The following ATP6V1C2 variants were observed in gnomAD, a reference collection of about 807,000 sequenced individuals.
ATP6V1C2 encodes ATPase H+ transporting V1 subunit C2.
ATP6V1C2 carries 45 observed loss-of-function variants against 56.8 expected under a neutral mutation model. The observed-to-expected ratio is 0.79, with a 90% confidence interval of 0.62 to 1.02. ATP6V1C2 has a LOEUF of 1.02. ATP6V1C2 is among the 50% of genes least tolerant of loss of function. ATP6V1C2 has a pLI of 0.00. For synonymous variants in ATP6V1C2, 220 were observed against 201.3 expected (o/e 1.09, Z -0.79); for missense variants, 463 against 519.7 (o/e 0.89, Z 1.06).
At chr2:10,779,926 G>C (rs564728414) in intron 12 of ATP6V1C2, among the ~76,000 whole-genome samples, 5 of 152,234 alleles carry the variant, frequency 3.3e-5, no homozygotes, top group Middle Eastern at 3.4e-3. Context: ...TTTCTGCCCT[G>C]TGTGGCTGCG....
chr2:10,765,828 C>G (rs1484271104), intron 5 of ATP6V1C2, among the ~76,000 whole-genome samples: 1 of 152,184 alleles, frequency 6.6e-6, no homozygotes, highest in Non-Finnish European at 1.5e-5. Flanking sequence ...ATGCCAGACT[C>G]AGTGGGAAGG....
At chr2:10,753,249 T>G (rs534517732) in intron 3 of ATP6V1C2, among the ~76,000 whole-genome samples, 100 of 152,342 alleles carry the variant, frequency 6.6e-4, no homozygotes, top group African/African-American at 2.3e-3. Context: ...TGTAGGAGTT[T>G]GTATCTTGGT....
chr2:10,772,459 A>G (rs1664681117), intron 7 of ATP6V1C2, 83 bp from the exon 8 acceptor site: 1 of 1,158,860 alleles, frequency 8.6e-7, no homozygotes, highest in Non-Finnish European at 1.3e-6. Flanking sequence ...CTTCAGGAAA[A>G]GGGGTGTGCA....
chr2:10,733,812 A>AAGTGCTTCCCCTGTTGTTGCTTGCCCCTG (rs1662101068), intron 3 of ATP6V1C2, among the ~76,000 whole-genome samples: 3 of 147,100 alleles, frequency 2.0e-5, no homozygotes, highest in East Asian at 2.1e-4. Flanking sequence ...GCTTGCCCCT[A>AAGTGCTTCCCCTGTTGTTGCTTGCCCCTG]AGTGCTTCCC....
rs1664062089 is a variant in ATP6V1C2 at position 10,763,776 on chromosome 2, G to T, written c.284-555G>T. Among the ~76,000 whole-genome samples, 1 of 152,180 alleles carries T rather than the reference G, an allele frequency of 6.6e-6. No homozygotes were observed. The highest frequency in any genetic ancestry group is 2.4e-5 in the African/African-American group (1 of 41,430). Reference sequence around the variant, plus strand: ...AAGGTGCCACTCCGCTGTGTCTCAGGTAGGGAAATTGATTCCCTCCTAGCC... The same window carrying T: ...AAGGTGCCACTCCGCTGTGTCTCAGTTAGGGAAATTGATTCCCTCCTAGCC... On this transcript the variant is annotated intron_variant, in intron 4 of 13. Coordinates refer to ENST00000272238, the MANE Select transcript of ATP6V1C2 (RefSeq NM_001039362.2). This position sits in a 1 kb window ranked among gnomAD's most constrained non-coding sequence, Gnocchi z 4.2.
rs898584598 is a variant in ATP6V1C2 at position 10,757,264 on chromosome 2, C to T, written c.283+3198C>T. ...CTGACCTCAGGTGATCCGCCAGCCT[C>T]GGCCTCCCAAAGTGCTAGGATTACA... On this transcript the variant is annotated intron_variant, in intron 4 of 13. Coordinates refer to ENST00000272238, the MANE Select transcript of ATP6V1C2 (RefSeq NM_001039362.2). Among the ~76,000 whole-genome samples, 3 of 152,088 alleles carry T rather than the reference C, an allele frequency of 2.0e-5. No homozygotes were observed. In the East Asian group the frequency reaches 5.8e-4, roughly 29 times the overall value.
intron 10 of ATP6V1C2, among the ~76,000 whole-genome samples, chr2:10,776,080 G>A (rs1664949583): frequency 6.6e-6 from 1 of 151,552 alleles, no homozygotes; most frequent in Non-Finnish European, 1.5e-5. Context: ...CTTTTTGCAG[G>A]GACTGGGGAT....
At chr2:10,770,004 G>T (rs1173803451) in intron 6 of ATP6V1C2, 1 of 152,178 alleles carries the variant, frequency 6.6e-6, no homozygotes, top group Non-Finnish European at 1.5e-5. Context: ...TACCTGGGAG[G>T]TACCCCCACT....
chr2:10,754,017 C>T lies in ATP6V1C2; in HGVS notation c.234C>T (p.Val78=). Residue 78 remains valine, a synonymous_variant, in exon 4 of 14, where the codon GTC becomes GTT. Transcript: ENST00000272238. ...GAATGGCTCAGAGCGTGGTGGAAGT[C>T]ATGGAGGACTCAAAGGGGAAGGTCC... ...IRRMAQSVVE[V]MEDSKGKVQE... The T allele has an allele frequency of 1.2e-6, 2 of 1,608,542 alleles. No homozygotes were observed. The highest frequency in any genetic ancestry group is 1.7e-6 in the Non-Finnish European group (2 of 1,176,966).
intron 3 of ATP6V1C2, among the ~76,000 whole-genome samples, chr2:10,739,965 G>T (rs1209678911): frequency 2.4e-5 from 1 of 42,106 alleles, no homozygotes; most frequent in African/African-American, 9.1e-5. Flanking sequence ...CGCTGGGCTT[G>T]GTGGTGGGCA....
At chr2:10,764,189 C>A in intron 4 of ATP6V1C2, 142 bp from the exon 5 acceptor site, 1 of 675,768 alleles carries the variant, frequency 1.5e-6, no homozygotes, top group East Asian at 2.8e-5. Flanking sequence ...GTTTGCTTTT[C>A]CAGAGCCCTG....
intron 6 of ATP6V1C2, among the ~76,000 whole-genome samples, chr2:10,771,462 ACACTTGAGTAACTTTAGCTGCCTGC>A (rs1476454801): frequency 1.3e-5 from 2 of 152,148 alleles, no homozygotes; most frequent in East Asian, 3.9e-4. Context: ...CGTTGTGTTG[ACACTTGAGTAACTTTAGCTGCCTGC>A]CACCCGAGGC....
At chr2:10,754,140 CCA>C in intron 4 of ATP6V1C2, 74 bp downstream of exon 4, 1 of 1,283,328 alleles carries the variant, frequency 7.8e-7, no homozygotes, top group Non-Finnish European at 1.1e-6. Context: ...CTTGCTGTGG[CCA>C]CACAGCAATC....
At chr2:10,754,386 T>C (rs992368568) in intron 4 of ATP6V1C2, among the ~76,000 whole-genome samples, 3 of 151,344 alleles carry the variant, frequency 2.0e-5, no homozygotes, top group East Asian at 2.0e-4. Flanking sequence ...CCGCCACGCC[T>C]GGCTAATTTT....
At chr2:10,764,034 G>A (rs1409851035) in intron 4 of ATP6V1C2, among the ~76,000 whole-genome samples, 1 of 152,200 alleles carries the variant, frequency 6.6e-6, no homozygotes, top group Non-Finnish European at 1.5e-5. Context: ...CCTCCCTGCC[G>A]TTTAATATAA....
intron 3 of ATP6V1C2, among the ~76,000 whole-genome samples, chr2:10,730,913 A>G (rs950044479): frequency 2.6e-5 from 4 of 151,866 alleles, no homozygotes; most frequent in Non-Finnish European, 4.4e-5. Flanking sequence ...TTGGCCTCCC[A>G]AAGTGCTGGG....
At chr2:10,731,140 G>T (rs763285484) in intron 3 of ATP6V1C2, among the ~76,000 whole-genome samples, 1 of 151,782 alleles carries the variant, frequency 6.6e-6, no homozygotes, top group Non-Finnish European at 1.5e-5. Flanking sequence ...GTAGAGACAA[G>T]GTCTTACTAT....
intron 3 of ATP6V1C2, among the ~76,000 whole-genome samples, chr2:10,746,123 C>T (rs1211355176): frequency 6.6e-6 from 1 of 152,122 alleles, no homozygotes; most frequent in Non-Finnish European, 1.5e-5. Context: ...CCTCAGCCTC[C>T]CGAGTAGCTG....
Position 10,765,595 on chromosome 2 carries a change from C to T in ATP6V1C2, c.378+1170C>T, listed in dbSNP as rs562077970. 5.4e-4 allele frequency among the ~76,000 whole-genome samples: 83 copies of T among 152,340 alleles called. 1 individual carries two copies. Among genetic ancestry groups the T allele is most frequent in the African/African-American group, 1.9e-3 (77 of 41,584 alleles). On this transcript the variant is annotated intron_variant, in intron 5 of 13. Coordinates refer to ENST00000272238, the MANE Select transcript of ATP6V1C2 (RefSeq NM_001039362.2). Reference sequence around the variant, plus strand: ...GCTCGGGAATCTGGGTGGGGCACCTCGGGTGCTGCTTACATCAGAGAGGCT... The same window carrying T: ...GCTCGGGAATCTGGGTGGGGCACCTTGGGTGCTGCTTACATCAGAGAGGCT...
Sources: gnomAD v4.1 joint callset for allele counts (sites outside exome capture counted in the v4.1 genomes callset) on GRCh38, gnomAD v4.1.1 for gene constraint, Gnocchi (gnomAD v3.1) non-coding constraint, MANE v1.5 for transcripts, NCBI Gene and HGNC (gene_info 2026-07-23, HGNC 2026-07-21) for gene names.